Variants in IFIH1 observed in about 807,000 individuals in gnomAD.
IFIH1 encodes the protein interferon induced with helicase C domain 1, also known as interferon-induced helicase C domain-containing protein 1.
IFIH1 carries 125 observed loss-of-function variants against 107.4 expected under a neutral mutation model. The observed-to-expected ratio is 1.16, with a 90% CI of 1.01 to 1.35. The LOEUF is 1.35. IFIH1 is among the 40% of genes most tolerant of loss of function. The pLI is 0.00. For synonymous variants in IFIH1, 458 were observed against 413.2 expected, an observed-to-expected ratio of 1.11 and a Z score of -1.31; for missense variants, 1,333 against 1,213.7, an observed-to-expected ratio of 1.10 and a Z score of -1.46.
At chr2:162,309,150 C>T (rs1683345741) in intron 2 of IFIH1, among the ~76,000 whole-genome samples, 1 of 152,182 alleles carries the variant, frequency 6.6e-6, no homozygotes, top group African/African-American at 2.4e-5. Context: ...CATCTTAAGG[C>T]TTATAAGGCT....
intron 3 of IFIH1, among the ~76,000 whole-genome samples, chr2:162,294,328 A>T (rs571475120): frequency 6.6e-6 from 1 of 152,120 alleles, no homozygotes; most frequent in South Asian, 2.1e-4. Flanking sequence ...TTCATTTATG[A>T]ATCCTGACAT....
At position 162,293,935 on chromosome 2, in the gene IFIH1, A is replaced by G. The variant is rs149443032; in HGVS notation, c.770-267T>C. On this transcript the variant is annotated intron_variant, in intron 3 of 15. Transcript: ENST00000649979. ...AGTATGAGAGCTAAAGCAAATTCCT[A>G]AGGGTTTATAACTTTTATTGCCCTT... is the stretch of plus-strand genomic sequence containing the variant. 3.6e-4 allele frequency among the ~76,000 whole-genome samples: 54 copies of G among 152,060 alleles called. No homozygotes were observed. In the East Asian group the frequency reaches 9.5e-3, roughly 27 times the overall value.
intron 2 of IFIH1, chr2:162,310,025 G>A (rs1167943801): frequency 6.6e-6 from 1 of 152,088 alleles, no homozygotes; most frequent in Non-Finnish European, 1.5e-5. Context: ...AACTCTTACA[G>A]TCTCTATCAA....
chr2:162,307,850 A>G (rs914114191), intron 2 of IFIH1, among the ~76,000 whole-genome samples: 4 of 152,254 alleles, frequency 2.6e-5, no homozygotes, highest in African/African-American at 9.6e-5. Flanking sequence ...TGCACTCACA[A>G]TATAAATACT....
intron 3 of IFIH1, among the ~76,000 whole-genome samples, chr2:162,305,130 T>C (rs1472917499): frequency 6.6e-6 from 1 of 152,210 alleles, no homozygotes; most frequent in Admixed American, 6.5e-5. Context: ...ACACTATATA[T>C]ACACATTCAG....
chr2:162,275,662 T>C (rs9287816), intron 11 of IFIH1, among the ~76,000 whole-genome samples: 14,260 of 152,184 alleles, frequency 0.094, 2,271 homozygotes, highest in African/African-American at 0.33. Context: ...TTGGCTTGAA[T>C]AGTGATAACT....
intron 5 of IFIH1, among the ~76,000 whole-genome samples, chr2:162,286,579 G>A (rs1682896828): frequency 6.6e-6 from 1 of 151,730 alleles, no homozygotes; most frequent in Admixed American, 6.6e-5. Flanking sequence ...GCATGCTTTG[G>A]AGGAGGTGGT....
chr2:162,275,245 G>C (rs1023080190), intron 11 of IFIH1, among the ~76,000 whole-genome samples: 5 of 152,020 alleles, frequency 3.3e-5, no homozygotes, highest in African/African-American at 9.7e-5. Flanking sequence ...GGTTTGAAAT[G>C]AATAAGGAGC....
intron 12 of IFIH1, 103 bp downstream of exon 12, chr2:162,273,691 TA>T: frequency 1.1e-6 from 1 of 909,696 alleles, no homozygotes; most frequent in East Asian, 2.7e-5. Flanking sequence ...GGCTTTGTTT[TA>T]AAAACTAAAA....
At chr2:162,298,274 C>T (rs1683130242) in intron 3 of IFIH1, among the ~76,000 whole-genome samples, 1 of 152,142 alleles carries the variant, frequency 6.6e-6, no homozygotes, top group African/African-American at 2.4e-5. Context: ...AGGCATTTAT[C>T]ACCCCACAGA....
chr2:162,286,648 A>T (rs1406744781), intron 5 of IFIH1, among the ~76,000 whole-genome samples: 2 of 151,928 alleles, frequency 1.3e-5, no homozygotes, highest in African/African-American at 4.8e-5. Context: ...GTAGATGGTG[A>T]GGCTGAGTTT....
At chr2:162,271,838 A>G (rs1191015202) in intron 13 of IFIH1, among the ~76,000 whole-genome samples, 1 of 152,136 alleles carries the variant, frequency 6.6e-6, no homozygotes, top group Non-Finnish European at 1.5e-5. Flanking sequence ...GGCTGTTCCT[A>G]TAAGGTTACC....
At position 162,267,381 on chromosome 2, in the gene IFIH1, T is replaced by C; in HGVS notation, c.2899-2A>G. 1 of 1,613,848 alleles carries C rather than the reference T, an allele frequency of 6.2e-7. No homozygotes were observed. Among genetic ancestry groups the C allele is most frequent in the Non-Finnish European group, 8.5e-7 (1 of 1,179,954 alleles). On this transcript the variant is annotated splice_acceptor_variant, in intron 15 of 15. Coordinates refer to ENST00000649979, the MANE Select transcript of IFIH1 (RefSeq NM_022168.4). LOFTEE classifies it high-confidence loss of function. The stretch of plus-strand genomic sequence containing the variant: ...GTGCACCATCATTGTTCCCCAAGCC[T>C]GGAAAACAAAAGAGAGAGCAAGAGG...
intron 3 of IFIH1, among the ~76,000 whole-genome samples, chr2:162,302,285 C>T (rs534245070): frequency 9.2e-5 from 14 of 152,216 alleles, no homozygotes; most frequent in Non-Finnish European, 1.9e-4. Context: ...TGCACTAAGA[C>T]TACTATGCAC....
intron 1 of IFIH1, among the ~76,000 whole-genome samples, chr2:162,311,656 T>C (rs1489468955): frequency 6.6e-6 from 1 of 152,164 alleles, no homozygotes; most frequent in Non-Finnish European, 1.5e-5. Context: ...GGATCTTTTG[T>C]GTAATCATTG....
In IFIH1 at chr2:162,277,499, A is replaced by AGTGTGAGTCCTT. The variant is rs1348090294; in HGVS notation, c.1959_1960insAAGGACTCACAC (p.Tyr653_Cys654insLysAspSerHis). 1 of 1,586,582 alleles carries AGTGTGAGTCCTT rather than the reference A, an allele frequency of 6.3e-7. No homozygotes were observed. The highest frequency in any genetic ancestry group is 2.2e-5 in the East Asian group (1 of 44,650). ...TCATCCTCATCTTCATCACCATCAC[A>AGTGTGAGTCCTT]ATACTCATCATCACCACCCTCATCA... On this transcript the variant is annotated inframe_insertion, in exon 10 of 16. Coordinates refer to ENST00000649979, the MANE Select transcript of IFIH1 (RefSeq NM_022168.4).
At chr2:162,310,406 G>A (rs1160350264) in intron 2 of IFIH1, 3 of 357,666 alleles carry the variant, frequency 8.4e-6, no homozygotes, top group Non-Finnish European at 1.5e-5. Flanking sequence ...GTATAAAAAT[G>A]TTCAGAAGAA....
At chr2:162,277,303 G>T (rs1264454798) in intron 10 of IFIH1, 112 bp downstream of exon 10, 1 of 754,368 alleles carries the variant, frequency 1.3e-6, no homozygotes. Flanking sequence ...CAATCTGAGT[G>T]GGATTTCTTC....
chr2:162,315,431 G>T (rs1257958638), intron 1 of IFIH1, among the ~76,000 whole-genome samples: 1 of 152,066 alleles, frequency 6.6e-6, no homozygotes, highest in Non-Finnish European at 1.5e-5. Context: ...TCTCAATTGC[G>T]ACATGGGGAA....
Sources: allele counts gnomAD v4.1 joint callset (sites outside exome capture counted in the v4.1 genomes callset), GRCh38; gene constraint gnomAD v4.1.1; transcripts MANE v1.5; gene names NCBI Gene and HGNC (gene_info 2026-07-23, HGNC 2026-07-21).